The following PGAM1 variants were observed in gnomAD, a reference collection of about 807,000 sequenced individuals.
PGAM1 encodes the protein phosphoglycerate mutase 1, also known as BPG-dependent PGAM 1.
In PGAM1, 21 loss-of-function variants were observed where a neutral mutation model predicts 23.5. That is an observed-to-expected ratio of 0.89 (90% confidence interval 0.63 to 1.29). The LOEUF is 1.29. Among genes scored for constraint, PGAM1 ranks in the 50% most tolerant of loss-of-function variants. The pLI is 0.00. For missense variants in PGAM1, 232 were observed against 336.3 expected (o/e 0.69, Z 2.42); for synonymous variants, 109 against 128.6 (o/e 0.85, Z 1.03).
intron 3 of PGAM1, 133 bp downstream of exon 3, chr10:97,431,268 C>A (rs1221336394): frequency 1.8e-6 from 2 of 1,091,538 alleles, no homozygotes; most frequent in East Asian, 2.5e-5. Flanking sequence ...AGATTGACTT[C>A]TAGTGAAAAA....
intron 1 of PGAM1, chr10:97,427,176 A>G: frequency 1.5e-5 from 9 of 607,250 alleles, no homozygotes; most frequent in Non-Finnish European, 1.9e-5. Flanking sequence ...TGTGCCTTAA[A>G]GCAGCTGTAA....
rs1337621583 is a variant in PGAM1 at position 97,426,341 on chromosome 10, G to A, written c.34G>A (p.Gly12Ser). 5 of 1,610,360 alleles carry A rather than the reference G, an allele frequency of 3.1e-6. No individual in the cohort carries two copies. Among genetic ancestry groups the A allele is most frequent in the East Asian group, 2.2e-5 (1 of 44,820 alleles). ...CTACAAACTGGTGCTGATCCGGCAC[G>A]GCGAGAGCGCATGGAACCTGGAGAA... Reference protein sequence around the residue: ...AAYKLVLIRHGESAWNLENRF... With the variant: ...AAYKLVLIRHSESAWNLENRF... Residue 12 changes from glycine (G) to serine (S), a missense_variant, in exon 1 of 4, where the codon GGC becomes AGC. Transcript: ENST00000334828.
At chr10:97,431,742 A>T (rs1348315464) in intron 3 of PGAM1, among the ~76,000 whole-genome samples, 2 of 152,200 alleles carry the variant, frequency 1.3e-5, no homozygotes, top group Admixed American at 1.3e-4. Context: ...ATGAAAAATT[A>T]GCTTGATGTG....
At chr10:97,432,144 A>G (rs933324500) in intron 3 of PGAM1, among the ~76,000 whole-genome samples, 8 of 152,132 alleles carry the variant, frequency 5.3e-5, no homozygotes, top group African/African-American at 1.4e-4. Flanking sequence ...TTGGTGGTCT[A>G]TCTTGTATAC....
intron 1 of PGAM1, among the ~76,000 whole-genome samples, chr10:97,426,843 T>C (rs532937037): frequency 1.4e-4 from 22 of 152,174 alleles, no homozygotes; most frequent in African/African-American, 5.1e-4. Context: ...GAGACCAGCC[T>C]TATCAACGTG....
In PGAM1 at chr10:97,430,547, C is replaced by G; in HGVS notation, c.308C>G (p.Thr103Ser). ...GGLTGLNKAE[T>S]AAKHGEAQVK... ...CTAACCGGTCTCAATAAAGCAGAAACTGCTGCAAAGCATGGTGAGGCCCAG... is the reference window on the plus strand; with the variant it reads ...CTAACCGGTCTCAATAAAGCAGAAAGTGCTGCAAAGCATGGTGAGGCCCAG... Residue 103 changes from threonine to serine, a missense_variant, in exon 2 of 4, where the codon ACT (threonine) becomes AGT (serine). Thr to Ser is a moderately conservative substitution (Grantham distance 58). Transcript: ENST00000334828. 6.2e-7 allele frequency: 1 copy of G among 1,600,916 alleles called. No homozygotes were observed. The highest frequency in any genetic ancestry group is 8.5e-7 in the Non-Finnish European group (1 of 1,179,870).
intron 1 of PGAM1, chr10:97,428,029 G>A (rs1845430767): frequency 1.0e-6 from 1 of 965,444 alleles, no homozygotes; most frequent in Non-Finnish European, 1.4e-6. Context: ...AATGGAAAGT[G>A]CTGGTAAAGG....
chr10:97,432,677 G>A lies in PGAM1; in HGVS notation c.*153G>A. The stretch of plus-strand genomic sequence containing the variant: ...ACCAGTGGCTCCCATTTTCATTTTA[G>A]CCATTTTGTCGCCTGCACCCACTCC... On this transcript the variant is annotated 3_prime_UTR_variant, in exon 4 of 4. Coordinates refer to ENST00000334828, the MANE Select transcript of PGAM1 (RefSeq NM_002629.4). The A allele has an allele frequency of 1.1e-6, 1 of 908,924 alleles. No individual in the cohort carries two copies. Among genetic ancestry groups the A allele is most frequent in the Non-Finnish European group, 1.7e-6 (1 of 596,978 alleles). The allele number at this position is 908,924 out of a possible 1,614,324, so 56.3% of individuals were successfully genotyped here.
chr10:97,426,254 T>G lies in PGAM1; in HGVS notation c.-54T>G. 6.2e-7 allele frequency: 1 copy of G among 1,609,220 alleles called. No individual in the cohort carries two copies. The highest frequency in any genetic ancestry group is 8.5e-7 in the Non-Finnish European group (1 of 1,178,814). On this transcript the variant is annotated 5_prime_UTR_variant, in exon 1 of 4. Transcript: ENST00000334828. ...CGCAGGCGCGGCCGACGGGGCGGGC[T>G]GCTACTCCGGAATCTGCTAATCCCA...
chr10:97,426,370 C>T lies in PGAM1; in HGVS notation c.63C>T (p.Arg21=), dbSNP rs1370456076. 1 of 1,609,388 alleles carries T rather than the reference C, an allele frequency of 6.2e-7. No individual in the cohort carries two copies. Among genetic ancestry groups the T allele is most frequent in the Non-Finnish European group, 8.5e-7 (1 of 1,178,648 alleles). The part of the protein sequence containing the change: ...HGESAWNLEN[R]FSGWYDADLS... ...AGAGCGCATGGAACCTGGAGAACCG[C>T]TTCAGCGGCTGGTACGACGCCGACC... The change falls in exon 1 of 4, where the codon CGC becomes CGT. Residue 21 remains arginine, a synonymous_variant. Transcript: ENST00000334828.
chr10:97,432,847 A>T lies in PGAM1; in HGVS notation c.*323A>T. 3.5e-6 allele frequency: 1 copy of T among 289,838 alleles called. No individual in the cohort carries two copies. Among genetic ancestry groups the T allele is most frequent in the South Asian group, 3.2e-5 (1 of 30,948 alleles). The allele number at this position is 289,838 out of a possible 1,614,324, so 18.0% of individuals were successfully genotyped here. On this transcript the variant is annotated 3_prime_UTR_variant, in exon 4 of 4. Coordinates refer to ENST00000334828, the MANE Select transcript of PGAM1 (RefSeq NM_002629.4). The stretch of plus-strand genomic sequence containing the variant: ...TGTTTACTAAGGACTTTGGGGAGGA[A>T]CCATGCTAAGCCATGACCAGTGAGG...
intron 3 of PGAM1, among the ~76,000 whole-genome samples, 188 bp downstream of exon 3, chr10:97,431,323 G>A (rs1477195515): frequency 2.0e-5 from 3 of 152,186 alleles, no homozygotes; most frequent in African/African-American, 4.8e-5. Context: ...GCAGAATAGT[G>A]ACAGCTGGAC....
chr10:97,430,922 A>C (rs775856549), intron 2 of PGAM1, 33 bp from the exon 3 acceptor site: 1 of 1,613,358 alleles, frequency 6.2e-7, no homozygotes, highest in South Asian at 1.1e-5. Context: ...GTAACTCTTA[A>C]TAAGTGGTGA....
At chr10:97,428,930 G>A (rs1845439376) in intron 1 of PGAM1, among the ~76,000 whole-genome samples, 1 of 152,066 alleles carries the variant, frequency 6.6e-6, no homozygotes, top group Admixed American at 6.6e-5. Context: ...ACCCCAATAT[G>A]AAGCAATATC....
chr10:97,432,337 G>T lies in PGAM1; in HGVS notation c.596-18G>T. The T allele has an allele frequency of 6.2e-7, 1 of 1,612,110 alleles. No homozygotes were observed. ...TGGATTTATGTCTTGTGTGGCTGAT[G>T]ATGGTGGATGTTTTCAGGTCTCTCT... On this transcript the variant is annotated intron_variant, in intron 3 of 3. Coordinates refer to ENST00000334828, the MANE Select transcript of PGAM1 (RefSeq NM_002629.4).
rs1001286277 is a variant in PGAM1 at position 97,432,242 on chromosome 10, G to A, written c.596-113G>A. The stretch of plus-strand genomic sequence containing the variant: ...CAGAACTACTATAAAGATCAGAAAG[G>A]GTGTCTTATTTTAATTTCTGTCAAA... On this transcript the variant is annotated intron_variant, in intron 3 of 3. Coordinates refer to ENST00000334828, the MANE Select transcript of PGAM1 (RefSeq NM_002629.4). The A allele has an allele frequency of 4.4e-6, 6 of 1,376,196 alleles. No homozygotes were observed. The Admixed American group carries it at 6.7e-5, about 15-fold the overall frequency. 85.2% of individuals were successfully genotyped at this position (1,376,196 alleles called of 1,614,324 possible). A position where few individuals can be genotyped will look rare whatever the true frequency, so the allele number is the denominator to read the frequency against.
Position 97,432,631 on chromosome 10 carries a change from G to T in PGAM1, c.*107G>T, listed in dbSNP as rs1845484001. On this transcript the variant is annotated 3_prime_UTR_variant, in exon 4 of 4. Coordinates refer to ENST00000334828, the MANE Select transcript of PGAM1 (RefSeq NM_002629.4). Reference sequence around the variant, plus strand: ...CACTGACCACATCTGTAGACATCTTGAGTTGTAGCTGCAGACGGGGACCAG... The same window carrying T: ...CACTGACCACATCTGTAGACATCTTTAGTTGTAGCTGCAGACGGGGACCAG... 2.3e-6 allele frequency: 3 copies of T among 1,304,124 alleles called. No homozygotes were observed. Among genetic ancestry groups the T allele is most frequent in the Non-Finnish European group, 3.2e-6 (3 of 930,116 alleles). The allele number at this position is 1,304,124 out of a possible 1,614,324, so 80.8% of individuals were successfully genotyped here.
chr10:97,427,870 T>G (rs1845429173), intron 1 of PGAM1: 2 of 1,289,268 alleles, frequency 1.6e-6, no homozygotes, highest in Admixed American at 2.3e-5. Context: ...ATTGCTCTCC[T>G]AGCTTCTTGC....
intron 2 of PGAM1, 53 bp from the exon 3 acceptor site, chr10:97,430,902 T>C: frequency 6.2e-7 from 1 of 1,605,736 alleles, no homozygotes; most frequent in African/African-American, 1.3e-5. Flanking sequence ...CATGAAGTCT[T>C]TTAACAGATG....
Sources: allele counts gnomAD v4.1 joint callset (sites outside exome capture counted in the v4.1 genomes callset), GRCh38; gene constraint gnomAD v4.1.1; transcripts MANE v1.5; gene names NCBI Gene and HGNC (gene_info 2026-07-23, HGNC 2026-07-21).